The following NRF1 variants were observed in gnomAD, a reference collection of about 807,000 sequenced individuals.
NRF1 encodes the protein alpha palindromic-binding protein.
In NRF1, 5 loss-of-function variants were observed where a neutral mutation model predicts 58.5. The ratio of observed to expected loss-of-function variants is 0.09; its 90% CI spans 0.04 to 0.18. The LOEUF is 0.18. Ranked by LOEUF, NRF1 falls within the 10% of genes least tolerant of loss-of-function variation. NRF1 has a pLI of 1.00. For synonymous variants in NRF1, 224 were observed against 246.7 expected (o/e 0.91, Z 0.86); for missense variants, 288 against 657.7 (o/e 0.44, Z 6.15).
intron 5 of NRF1, among the ~76,000 whole-genome samples, chr7:129,701,590 TCAAAAA>T (rs1442249480): frequency 2.1e-5 from 3 of 140,364 alleles, no homozygotes; most frequent in Admixed American, 7.4e-5. Flanking sequence ...TGAGGCTGTC[TCAAAAA>T]AAAAAAAGAA....
intron 5 of NRF1, among the ~76,000 whole-genome samples, chr7:129,697,443 G>A (rs545598058): frequency 6.0e-4 from 91 of 151,622 alleles, no homozygotes; most frequent in Non-Finnish European, 1.1e-3. Flanking sequence ...AGCTACTTGG[G>A]AGGGCGAGAC....
chr7:129,687,817 T>C (rs1482732062), intron 4 of NRF1, among the ~76,000 whole-genome samples: 1 of 152,236 alleles, frequency 6.6e-6, no homozygotes, highest in Non-Finnish European at 1.5e-5. Context: ...CATCTCAGAA[T>C]TGATAGATCA....
chr7:129,676,810 G>A (rs1802189988), intron 3 of NRF1, among the ~76,000 whole-genome samples: 1 of 152,272 alleles, frequency 6.6e-6, no homozygotes, highest in African/African-American at 2.4e-5. Context: ...ATCCCAGATA[G>A]TATCTGTGAA....
chr7:129,617,317 T>G (rs1800679046), intron 1 of NRF1, among the ~76,000 whole-genome samples: 1 of 152,230 alleles, frequency 6.6e-6, no homozygotes, highest in Non-Finnish European at 1.5e-5. Context: ...TACTGAATGC[T>G]AATGTGGTTA....
intron 10 of NRF1, chr7:129,735,014 C>T (rs537414331): frequency 6.9e-5 from 67 of 976,432 alleles, no homozygotes; most frequent in East Asian, 1.1e-4. Flanking sequence ...TTGCCTGGAG[C>T]GAGTTTATTG....
intron 10 of NRF1, among the ~76,000 whole-genome samples, chr7:129,737,578 T>C (rs1230257087): frequency 8.3e-6 from 1 of 120,686 alleles, no homozygotes; most frequent in Non-Finnish European, 2.0e-5. Flanking sequence ...CTTCCACCTT[T>C]TTCTGTGTTC....
At chr7:129,753,730 T>C (rs946579296) in intron 10 of NRF1, among the ~76,000 whole-genome samples, 4 of 144,210 alleles carry the variant, frequency 2.8e-5, no homozygotes, top group Admixed American at 6.8e-5. Context: ...TGGGGTCTTT[T>C]TTTTTTAAGT....
At chr7:129,654,919 A>AT (rs1022951942) in intron 1 of NRF1, among the ~76,000 whole-genome samples, 36 of 151,980 alleles carry the variant, frequency 2.4e-4, no homozygotes, top group African/African-American at 8.2e-4. Flanking sequence ...TTCTTTCAGT[A>AT]TTTTTTTGGC....
chr7:129,757,046 C>T lies in NRF1; in HGVS notation c.*1865C>T, dbSNP rs1804277373. 6.6e-6 allele frequency: 1 copy of T among 152,562 alleles called. No homozygotes were observed. The highest frequency in any genetic ancestry group is 6.5e-5 in the Admixed American group (1 of 15,268). The allele number at this position is 152,562 out of a possible 1,614,324, so 9.5% of individuals were successfully genotyped here. On this transcript the variant is annotated 3_prime_UTR_variant, in exon 11 of 11. Coordinates refer to ENST00000393232, the MANE Select transcript of NRF1 (RefSeq NM_005011.5). Reference sequence around the variant, plus strand: ...TGTTTCCCATTCTGTCTTTGACTGCCTCATTCAATAAATAGTTAAAAATGT... The same window carrying T: ...TGTTTCCCATTCTGTCTTTGACTGCTTCATTCAATAAATAGTTAAAAATGT...
chr7:129,653,716 A>G (rs911974200), intron 1 of NRF1, among the ~76,000 whole-genome samples: 2 of 152,132 alleles, frequency 1.3e-5, no homozygotes, highest in Non-Finnish European at 2.9e-5. Context: ...AGGCCATGTA[A>G]TTGGAATCAT....
At chr7:129,735,832 C>A (rs1020152541) in intron 10 of NRF1, among the ~76,000 whole-genome samples, 2 of 151,968 alleles carry the variant, frequency 1.3e-5, no homozygotes, top group African/African-American at 2.4e-5. Flanking sequence ...CACGGTGAAA[C>A]CCCGTCTCTA....
intron 1 of NRF1, among the ~76,000 whole-genome samples, chr7:129,620,263 G>A (rs925960997): frequency 6.6e-6 from 1 of 152,098 alleles, no homozygotes; most frequent in Admixed American, 6.5e-5. Context: ...AAGCTTAACC[G>A]ATTTCAGAAT....
chr7:129,629,374 G>A (rs1178814001), intron 1 of NRF1, among the ~76,000 whole-genome samples: 2 of 151,866 alleles, frequency 1.3e-5, no homozygotes, highest in Non-Finnish European at 2.9e-5. Flanking sequence ...CGCCTCCCGG[G>A]TTCAAGCGAT....
At chr7:129,627,010 A>G (rs1206849914) in intron 1 of NRF1, among the ~76,000 whole-genome samples, 1 of 152,242 alleles carries the variant, frequency 6.6e-6, no homozygotes, top group Non-Finnish European at 1.5e-5. Context: ...TGTGGTTTCT[A>G]ATAAGTATTA....
At chr7:129,619,490 G>GTA (rs67190499) in intron 1 of NRF1, among the ~76,000 whole-genome samples, 51 of 48,598 alleles carry the variant, frequency 1.0e-3, no homozygotes, top group African/African-American at 2.1e-3. Flanking sequence ...GTGTGTGTGT[G>GTA]TATATATATA....
At chr7:129,660,238 A>G (rs563563164) in intron 2 of NRF1, among the ~76,000 whole-genome samples, 3 of 152,076 alleles carry the variant, frequency 2.0e-5, no homozygotes, top group African/African-American at 7.2e-5. Flanking sequence ...TGAGAGTACA[A>G]TTCAAGATGA....
At chr7:129,637,635 A>T (rs1801196386) in intron 1 of NRF1, among the ~76,000 whole-genome samples, 1 of 152,110 alleles carries the variant, frequency 6.6e-6, no homozygotes, top group Non-Finnish European at 1.5e-5. Flanking sequence ...ATTTACACTT[A>T]AAAAAATGAG....
chr7:129,711,541 G>T lies in NRF1; in HGVS notation c.1030G>T (p.Ala344Ser), dbSNP rs781062789. 6.2e-7 allele frequency: 1 copy of T among 1,612,430 alleles called. No homozygotes were observed. The highest frequency in any genetic ancestry group is 8.5e-7 in the Non-Finnish European group (1 of 1,179,250). ...ASELPTTVTV[A>S]QVNYSAVADG... is the part of the protein sequence containing the mutation. ...AGAATTGCCAACCACGGTCACCGTTGCCCAAGTGAATTATTCTGCCGTGGC... is the reference window on the plus strand; with the variant it reads ...AGAATTGCCAACCACGGTCACCGTTTCCCAAGTGAATTATTCTGCCGTGGC... Residue 344 changes from alanine (A) to serine (S), a missense_variant, in exon 8 of 11, where the codon GCC becomes TCC. Around this residue, in one of 3 missense-constraint regions of NRF1, gnomAD observed 212 missense variants for 559.7 expected, o/e 0.38. Transcript: ENST00000393232.
At chr7:129,692,802 C>T (rs1781860188) in intron 5 of NRF1, among the ~76,000 whole-genome samples, 1 of 152,124 alleles carries the variant, frequency 6.6e-6, no homozygotes, top group South Asian at 2.1e-4. Context: ...CGTTATTTTG[C>T]TTTTGCTGTT....
Sources: allele counts gnomAD v4.1 joint callset (sites outside exome capture counted in the v4.1 genomes callset), GRCh38; gene constraint gnomAD v4.1.1; regional missense constraint gnomAD v4.1.1; transcripts MANE v1.5; gene names NCBI Gene and HGNC (gene_info 2026-07-23, HGNC 2026-07-21).